PARP4: variants seen among roughly 807,000 people sequenced by gnomAD.
The protein encoded by PARP4 is protein mono-ADP-ribosyltransferase PARP4.
A neutral mutation model predicts 187.7 loss-of-function variants in PARP4; 120 were observed. The ratio of observed to expected loss-of-function variants is 0.64; its 90% CI spans 0.55 to 0.74. PARP4 has a LOEUF of 0.74. Among genes scored for constraint, PARP4 ranks in the 30% least tolerant of loss-of-function variants. The pLI is 0.00. For missense variants in PARP4, 1,836 were observed against 2,070.5 expected, an observed-to-expected ratio of 0.89 and a Z score of 2.20; for synonymous variants, 654 against 740.9, an observed-to-expected ratio of 0.88 and a Z score of 1.90.
In PARP4 at chr13:24,449,124, C is replaced by T. The variant is rs576582089; in HGVS notation, c.3114+594G>A. ...GTTAAAATGGCCAGGCGCGGTGGCTCACGCCTGTAATCCCAGCACTTTGGG... is the reference window on the plus strand; with the variant it reads ...GTTAAAATGGCCAGGCGCGGTGGCTTACGCCTGTAATCCCAGCACTTTGGG... On this transcript the variant is annotated intron_variant, in intron 25 of 33. Coordinates refer to ENST00000381989, the MANE Select transcript of PARP4 (RefSeq NM_006437.4). 9.6e-4 allele frequency among the ~76,000 whole-genome samples: 146 copies of T among 152,110 alleles called. 2 individuals are homozygous for T. The highest frequency in any genetic ancestry group is 4.7e-4 in the Non-Finnish European group (32 of 68,016).
At chr13:24,443,799 A>AT (rs1871074056) in intron 27 of PARP4, 69 bp from the exon 28 acceptor site, 1 of 1,069,850 alleles carries the variant, frequency 9.3e-7, no homozygotes, top group Non-Finnish European at 1.4e-6. Context: ...AAAGAACATC[A>AT]TTTTAAAAAT....
intron 21 of PARP4, among the ~76,000 whole-genome samples, chr13:24,455,735 A>G (rs2137476265): frequency 6.9e-6 from 1 of 144,924 alleles, no homozygotes; most frequent in Admixed American, 7.3e-5. Context: ...GCCCTGTCTT[A>G]GCCTCCTGAG....
chr13:24,455,338 G>T, intron 21 of PARP4, 126 bp from the exon 22 acceptor site: 1 of 555,678 alleles, frequency 1.8e-6, no homozygotes, highest in Non-Finnish European at 2.9e-6. Context: ...AGAATAAGAT[G>T]TAATTAACAA....
chr13:24,490,854 G>A, intron 9 of PARP4, 26 bp from the exon 10 acceptor site: 1 of 1,584,614 alleles, frequency 6.3e-7, no homozygotes, highest in Non-Finnish European at 8.6e-7. Context: ...ATACACAGAT[G>A]TCAGAATCAC....
At chr13:24,503,963 G>A (rs1192877316) in intron 1 of PARP4, among the ~76,000 whole-genome samples, 186 bp from the exon 2 acceptor site, 2 of 152,184 alleles carry the variant, frequency 1.3e-5, no homozygotes, top group African/African-American at 2.4e-5. Flanking sequence ...GTTGGTTTAA[G>A]AATCGTTTCT....
At position 24,477,878 on chromosome 13, in the gene PARP4, T is replaced by C. The variant is rs768193122; in HGVS notation, c.1633-21A>G. ...TCATCCTAGAGCAAACAGAAATCAG[T>C]AGGTGATTAACAACAGAAGCAACAA... On this transcript the variant is annotated intron_variant, in intron 13 of 33. Transcript: ENST00000381989. 9.2e-6 allele frequency: 14 copies of C among 1,527,996 alleles called. No individual in the cohort carries two copies. The Admixed American group carries it at 3.2e-4, about 35-fold the overall frequency. 94.7% of individuals were successfully genotyped at this position (1,527,996 alleles called of 1,614,324 possible).
intron 15 of PARP4, among the ~76,000 whole-genome samples, chr13:24,471,526 G>C (rs1381094515): frequency 1.3e-5 from 2 of 152,184 alleles, no homozygotes; most frequent in African/African-American, 4.8e-5. Flanking sequence ...ATAAAACCAT[G>C]ATGTAACTAA....
intron 12 of PARP4, among the ~76,000 whole-genome samples, chr13:24,484,076 C>A (rs1357624576): frequency 6.6e-6 from 1 of 152,218 alleles, no homozygotes; most frequent in East Asian, 1.9e-4. Flanking sequence ...CAGTCTCCAT[C>A]CTTTAATTAG....
intron 1 of PARP4, among the ~76,000 whole-genome samples, chr13:24,505,400 G>T (rs557391270): frequency 6.7e-6 from 1 of 148,584 alleles, no homozygotes; most frequent in African/African-American, 2.5e-5. Flanking sequence ...TACAATAAGG[G>T]TTCTGGCCCT....
chr13:24,467,289 T>C (rs992716874), intron 17 of PARP4, among the ~76,000 whole-genome samples: 2 of 152,224 alleles, frequency 1.3e-5, no homozygotes, highest in Non-Finnish European at 2.9e-5. Flanking sequence ...CACTTAAATA[T>C]TGGGGATTAC....
At chr13:24,427,298 A>G (rs1239039392) in intron 32 of PARP4, among the ~76,000 whole-genome samples, 1 of 152,256 alleles carries the variant, frequency 6.6e-6, no homozygotes, top group African/African-American at 2.4e-5. Context: ...TGAAATATCA[A>G]AATTGAAAAA....
chr13:24,501,672 C>T lies in PARP4; in HGVS notation c.295G>A (p.Asp99Asn). 1 of 1,613,426 alleles carries T rather than the reference C, an allele frequency of 6.2e-7. No homozygotes were observed. Among genetic ancestry groups the T allele is most frequent in the Non-Finnish European group, 8.5e-7 (1 of 1,179,464 alleles). ...VKNYDPYKPL[D>N]ITPPPDQKAS... ...TTCTGATCAGGAGGTGGTGTGATGTCCAGGGGCTTATAAGGATCATAATTC... is the reference window on the plus strand; with the variant it reads ...TTCTGATCAGGAGGTGGTGTGATGTTCAGGGGCTTATAAGGATCATAATTC... Residue 99 changes from aspartate to asparagine, a missense_variant, in exon 3 of 34, where the codon GAC becomes AAC. Physicochemically the swap from Asp to Asn is conservative, Grantham distance 23 (BLOSUM62 1). Transcript: ENST00000381989.
intron 24 of PARP4, among the ~76,000 whole-genome samples, chr13:24,450,429 T>C (rs1361616610): frequency 6.7e-6 from 1 of 150,002 alleles, no homozygotes; most frequent in Non-Finnish European, 1.5e-5. Flanking sequence ...AAAAAGAGCT[T>C]ATGAAAATAA....
At chr13:24,452,250 T>C (rs1479656988) in intron 24 of PARP4, 156 bp downstream of exon 24, 2 of 611,058 alleles carry the variant, frequency 3.3e-6, no homozygotes, top group Non-Finnish European at 5.7e-6. Context: ...GTTCTGAGAC[T>C]CAGGCAGTCT....
chr13:24,431,877 C>T (rs1306746544), intron 31 of PARP4, among the ~76,000 whole-genome samples: 2 of 152,164 alleles, frequency 1.3e-5, no homozygotes, highest in East Asian at 3.9e-4. Context: ...TGGAAAGAGG[C>T]TCATGGGTAG....
intron 10 of PARP4, among the ~76,000 whole-genome samples, chr13:24,487,015 A>G (rs1408766010): frequency 6.6e-6 from 1 of 151,902 alleles, no homozygotes; most frequent in Non-Finnish European, 1.5e-5. Flanking sequence ...TAACCCCAGC[A>G]CTTTGGGAGG....
At chr13:24,501,862 T>C (rs775565614) in intron 2 of PARP4, 28 bp from the exon 3 acceptor site, 6 of 1,284,026 alleles carry the variant, frequency 4.7e-6, no homozygotes, top group African/African-American at 1.5e-5. Context: ...CAATCCATTA[T>C]GCATCAAGAA....
chr13:24,477,081 G>A (rs7332220), intron 14 of PARP4, among the ~76,000 whole-genome samples: 77,385 of 152,080 alleles, frequency 0.51, 20,006 homozygotes, highest in South Asian at 0.65. Flanking sequence ...AGGTTCCACA[G>A]GTTTTAGCCT....
intron 1 of PARP4, among the ~76,000 whole-genome samples, chr13:24,506,422 G>C (rs928683950): frequency 2.0e-5 from 3 of 152,154 alleles, no homozygotes; most frequent in Non-Finnish European, 2.9e-5. Flanking sequence ...GCCACTGCTA[G>C]CTCGGGCAGC....
Sources: gnomAD v4.1 joint callset for allele counts (sites outside exome capture counted in the v4.1 genomes callset) on GRCh38, gnomAD v4.1.1 for gene constraint, MANE v1.5 for transcripts, NCBI Gene and HGNC (gene_info 2026-07-23, HGNC 2026-07-21) for gene names.